Variants in NRXN3 observed in about 807,000 individuals in gnomAD.
NRXN3 encodes the protein neurexin 3.
NRXN3 carries 32 observed loss-of-function variants against 137.6 expected under a neutral mutation model. That is an observed-to-expected ratio of 0.23 (90% confidence interval 0.18 to 0.31). NRXN3 has a LOEUF of 0.31. NRXN3 is among the 10% of genes least tolerant of loss of function. The probability of loss-of-function intolerance (pLI) is 1.00; values close to 1 mark genes in which losing one functional copy is unlikely to be tolerated. For missense variants in NRXN3, 1,574 were observed against 2,062.5 expected (o/e 0.76, Z 4.59); for synonymous variants, 798 against 784.5 (o/e 1.02, Z -0.29).
chr14:78,529,803 C>G (rs1322251423), intron 4 of NRXN3, among the ~76,000 whole-genome samples: 1 of 152,148 alleles, frequency 6.6e-6, no homozygotes, highest in Admixed American at 6.5e-5. Flanking sequence ...CATCTCATCC[C>G]CCATCAACAA....
At chr14:79,271,307 A>G (rs1460513153) in intron 15 of NRXN3, among the ~76,000 whole-genome samples, 4 of 152,186 alleles carry the variant, frequency 2.6e-5, no homozygotes, top group Non-Finnish European at 5.9e-5. Context: ...TGAGTATGGC[A>G]ACCCATTCCT....
intron 4 of NRXN3, among the ~76,000 whole-genome samples, chr14:78,531,759 T>C (rs2096464754): frequency 1.3e-5 from 2 of 152,182 alleles, no homozygotes; most frequent in South Asian, 4.1e-4. Flanking sequence ...ACTCAAATAC[T>C]TTTTATTTAA....
intron 15 of NRXN3, among the ~76,000 whole-genome samples, chr14:79,351,336 C>T (rs932742075): frequency 5.9e-5 from 9 of 152,102 alleles, no homozygotes; most frequent in Non-Finnish European, 8.8e-5. Flanking sequence ...AAATCATGAC[C>T]GCAGGAGTCT....
chr14:78,685,214 T>C (rs1009548701), intron 6 of NRXN3, among the ~76,000 whole-genome samples: 2 of 152,322 alleles, frequency 1.3e-5, no homozygotes, highest in Middle Eastern at 3.4e-3. Context: ...GCAACAACTT[T>C]CTAAATGCTT....
chr14:79,746,672 G>T (rs570168114), intron 19 of NRXN3, among the ~76,000 whole-genome samples: 7 of 152,056 alleles, frequency 4.6e-5, no homozygotes, highest in Non-Finnish European at 7.4e-5. Flanking sequence ...ATTTGTTCTT[G>T]TCCTTGGAGG....
At chr14:79,010,642 A>C (rs961505996) in intron 15 of NRXN3, among the ~76,000 whole-genome samples, 6 of 152,216 alleles carry the variant, frequency 3.9e-5, no homozygotes, top group African/African-American at 1.4e-4. Context: ...AATTTATAAG[A>C]AATGCTTATG....
chr14:78,967,072 C>T, intron 12 of NRXN3, 136 bp from the exon 13 acceptor site: 1 of 696,698 alleles, frequency 1.4e-6, no homozygotes, highest in East Asian at 2.7e-5. Flanking sequence ...AACCTCATAT[C>T]AAGATTTAAA....
chr14:78,426,431 A>G (rs1042220067), intron 4 of NRXN3, among the ~76,000 whole-genome samples: 15 of 152,232 alleles, frequency 9.9e-5, no homozygotes, highest in African/African-American at 3.6e-4. Context: ...CTACTCTTCT[A>G]GGTTCCTGGC....
At chr14:78,873,275 T>TA (rs2099105663) in intron 10 of NRXN3, among the ~76,000 whole-genome samples, 1 of 151,882 alleles carries the variant, frequency 6.6e-6, no homozygotes, top group Admixed American at 6.5e-5. Flanking sequence ...TGTCTTTTCA[T>TA]CCAGTCTCTT....
chr14:78,651,383 A>G, intron 6 of NRXN3, 57 bp downstream of exon 6: 14 of 1,549,362 alleles, frequency 9.0e-6, no homozygotes, highest in Non-Finnish European at 1.2e-5. Flanking sequence ...TTATAAACAA[A>G]TGACATGTCT....
intron 10 of NRXN3, among the ~76,000 whole-genome samples, chr14:78,930,337 G>A (rs79912991): frequency 0.058 from 8,873 of 152,242 alleles, 488 homozygotes; most frequent in African/African-American, 0.14. Flanking sequence ...GCACACTAAG[G>A]TGATAAGTAA....
At chr14:79,779,941 A>T (rs1482361959) in intron 19 of NRXN3, among the ~76,000 whole-genome samples, 5 of 151,966 alleles carry the variant, frequency 3.3e-5, no homozygotes, top group Non-Finnish European at 7.4e-5. Flanking sequence ...CTCAGCTTAC[A>T]GCAACTTCCG....
intron 16 of NRXN3, among the ~76,000 whole-genome samples, chr14:79,536,421 C>T (rs1392983467): frequency 1.4e-5 from 2 of 144,698 alleles, no homozygotes; most frequent in Non-Finnish European, 3.0e-5. Context: ...CTGGTCACAA[C>T]ATTTTTTTTT....
chr14:79,335,976 G>A (rs967899021), intron 15 of NRXN3, among the ~76,000 whole-genome samples: 2 of 152,058 alleles, frequency 1.3e-5, no homozygotes, highest in African/African-American at 2.4e-5. Flanking sequence ...ATCATAATAT[G>A]CACCTACTTA....
intron 4 of NRXN3, among the ~76,000 whole-genome samples, chr14:78,534,988 A>G (rs1490959720): frequency 2.0e-5 from 3 of 152,242 alleles, no homozygotes; most frequent in Non-Finnish European, 4.4e-5. Context: ...AATACAAACA[A>G]GGACAGACCT....
At chr14:79,713,676 A>C (rs977758899) in intron 19 of NRXN3, among the ~76,000 whole-genome samples, 1 of 148,092 alleles carries the variant, frequency 6.8e-6, no homozygotes, top group Non-Finnish European at 1.5e-5. Flanking sequence ...TGTACCACCA[A>C]TTCCCTCTCT....
chr14:78,620,321 C>T (rs1010788691), intron 4 of NRXN3, among the ~76,000 whole-genome samples: 5 of 152,118 alleles, frequency 3.3e-5, no homozygotes, highest in African/African-American at 9.7e-5. Flanking sequence ...ATTTGGATAG[C>T]GCAATCCTTA....
rs546952624 is a variant in NRXN3 at position 79,234,671 on chromosome 14, G to A, written c.3263-232550G>A. ...TGCTGGGATTATAGGTGTAAGCCAG[G>A]GTAGCTTTTTAATACTGCTCCCTCT... On this transcript the variant is annotated intron_variant, in intron 15 of 20. Transcript: ENST00000335750. Among the ~76,000 whole-genome samples, 9 of 151,744 alleles carry A rather than the reference G, an allele frequency of 5.9e-5. No homozygotes were observed. In the South Asian group the frequency reaches 1.7e-3, roughly 28 times the overall value.
chr14:78,943,944 A>T (rs1567779943), intron 10 of NRXN3, among the ~76,000 whole-genome samples: 1 of 151,888 alleles, frequency 6.6e-6, no homozygotes, highest in Non-Finnish European at 1.5e-5. Context: ...ATAAACCATG[A>T]GGGATGCTGA....
Sources: allele counts gnomAD v4.1 joint callset (sites outside exome capture counted in the v4.1 genomes callset), GRCh38; gene constraint gnomAD v4.1.1; transcripts MANE v1.5; gene names NCBI Gene and HGNC (gene_info 2026-07-23, HGNC 2026-07-21).